The following SGK1 variants were observed in gnomAD, a reference collection of about 807,000 sequenced individuals.
SGK1 encodes serine/threonine-protein kinase Sgk1.
Under a neutral mutation model 64.2 loss-of-function variants are expected in SGK1, and 26 were observed. The observed-to-expected ratio is 0.40, with a 90% CI of 0.30 to 0.56. SGK1 has a LOEUF of 0.56. SGK1 is among the 20% of genes least tolerant of loss of function. The pLI, the probability that SGK1 is intolerant of heterozygous loss-of-function variation, is 0.38. For synonymous variants in SGK1, 265 were observed against 239.7 expected, an observed-to-expected ratio of 1.11 and a Z score of -0.98; for missense variants, 519 against 645.6, an observed-to-expected ratio of 0.80 and a Z score of 2.12.
At chr6:134,208,155 G>T (rs976080903) in intron 2 of SGK1, among the ~76,000 whole-genome samples, 1 of 152,002 alleles carries the variant, frequency 6.6e-6, no homozygotes, top group Non-Finnish European at 1.5e-5. Context: ...CAAATGATCC[G>T]CCCACCTCGG....
intron 3 of SGK1, among the ~76,000 whole-genome samples, chr6:134,184,884 G>A (rs1384290059): frequency 6.6e-6 from 1 of 152,030 alleles, no homozygotes; most frequent in African/African-American, 2.4e-5. Context: ...GAGGTCTTGC[G>A]GTGTTAGCCA....
chr6:134,287,747 T>G (rs2114777292), intron 1 of SGK1, among the ~76,000 whole-genome samples: 1 of 152,248 alleles, frequency 6.6e-6, no homozygotes, highest in Middle Eastern at 3.4e-3. Context: ...AGATGAATTG[T>G]GTGTTTTTGT....
intron 1 of SGK1, among the ~76,000 whole-genome samples, chr6:134,304,204 G>A (rs1407032478): frequency 6.6e-5 from 10 of 152,336 alleles, no homozygotes; most frequent in African/African-American, 1.7e-4. Context: ...CTCAGCCAAC[G>A]TCACAGGGAG....
intron 1 of SGK1, among the ~76,000 whole-genome samples, chr6:134,262,760 C>A (rs1467560997): frequency 1.3e-5 from 2 of 151,948 alleles, no homozygotes; most frequent in African/African-American, 2.4e-5. Flanking sequence ...AAAACAATTA[C>A]CCTGGCCAGG....
rs1306829251 is a variant in SGK1 at position 134,189,215 on chromosome 6, TGTGTGTGTGTGTGCGTGTGC to T, written c.362-14649_362-14630del. Among the ~76,000 whole-genome samples the T allele has an allele frequency of 2.7e-5, 4 of 148,750 alleles. No homozygotes were observed. The South Asian group carries it at 6.2e-4, about 23-fold the overall frequency. Reference sequence around the variant, plus strand: ...TACCTCTTTTATACAGGTGTGTGTGTGTGTGTGTGTGTGCGTGTGCGTGTGCATGTGTGTATATATAAATA... The same window carrying T: ...TACCTCTTTTATACAGGTGTGTGTGTGTGTGCATGTGTGTATATATAAATA... On this transcript the variant is annotated intron_variant, in intron 3 of 13. Transcript: ENST00000367858.
At chr6:134,226,676 A>G (rs1346806675) in intron 2 of SGK1, among the ~76,000 whole-genome samples, 1 of 151,764 alleles carries the variant, frequency 6.6e-6, no homozygotes, top group Non-Finnish European at 1.5e-5. Flanking sequence ...CCTGGGTGAC[A>G]GAGTGAGACC....
intron 3 of SGK1, among the ~76,000 whole-genome samples, chr6:134,198,967 C>T (rs1017610408): frequency 4.6e-5 from 7 of 152,132 alleles, no homozygotes; most frequent in Non-Finnish European, 1.0e-4. Flanking sequence ...CTCACCGCAG[C>T]CTCCAACTCT....
chr6:134,182,494 T>TG (rs1370273556), intron 3 of SGK1, among the ~76,000 whole-genome samples: 4 of 136,728 alleles, frequency 2.9e-5, no homozygotes, highest in African/African-American at 1.1e-4. Flanking sequence ...AGACTCCGTC[T>TG]AAAAAAAAAA....
chr6:134,187,371 A>T (rs12190471), intron 3 of SGK1, among the ~76,000 whole-genome samples: 56,761 of 151,822 alleles, frequency 0.37, 12,453 homozygotes, highest in Non-Finnish European at 0.5. Flanking sequence ...AGAAAGCAAA[A>T]ATGTTTCCAA....
intron 2 of SGK1, among the ~76,000 whole-genome samples, chr6:134,225,798 G>C (rs991250550): frequency 6.6e-6 from 1 of 151,860 alleles, no homozygotes; most frequent in African/African-American, 2.4e-5. Flanking sequence ...AAGAAAGTGG[G>C]CCAGGCATGG....
At chr6:134,306,731 C>T (rs934288985) in intron 1 of SGK1, among the ~76,000 whole-genome samples, 9 of 151,896 alleles carry the variant, frequency 5.9e-5, no homozygotes, top group South Asian at 4.2e-4. Flanking sequence ...TGCCATGTTC[C>T]CCAGCTGGTC....
intron 2 of SGK1, among the ~76,000 whole-genome samples, chr6:134,216,556 A>G (rs956256871): frequency 6.6e-6 from 1 of 152,200 alleles, no homozygotes; most frequent in Non-Finnish European, 1.5e-5. Flanking sequence ...CACATTCAAC[A>G]GTATTTACTG....
chr6:134,206,819 A>G (rs377343327), intron 3 of SGK1, among the ~76,000 whole-genome samples: 2 of 149,578 alleles, frequency 1.3e-5, no homozygotes, highest in African/African-American at 2.5e-5. Flanking sequence ...GTGAGCCGAG[A>G]TCGTACCACC....
chr6:134,232,081 A>T (rs1022074030), intron 2 of SGK1, among the ~76,000 whole-genome samples: 1 of 151,354 alleles, frequency 6.6e-6, no homozygotes, highest in African/African-American at 2.4e-5. Flanking sequence ...TACCTATATT[A>T]AGTTAAATAA....
intron 3 of SGK1, chr6:134,174,803 G>C: frequency 6.2e-7 from 1 of 1,614,120 alleles, no homozygotes; most frequent in African/African-American, 1.3e-5. Flanking sequence ...AGTTTTCACC[G>C]TCATCACCAC....
chr6:134,286,216 T>G (rs1158357297), intron 1 of SGK1, among the ~76,000 whole-genome samples: 1 of 152,186 alleles, frequency 6.6e-6, no homozygotes, highest in Non-Finnish European at 1.5e-5. Flanking sequence ...TATATTAAGG[T>G]TTGAACGTAA....
chr6:134,297,867 T>A (rs1777385490), intron 1 of SGK1: 1 of 783,626 alleles, frequency 1.3e-6, no homozygotes, highest in Non-Finnish European at 2.3e-6. Context: ...CAGCTCCTCA[T>A]ATTTGATCTG....
chr6:134,175,376 G>C (rs567428244), intron 3 of SGK1, among the ~76,000 whole-genome samples: 2 of 152,172 alleles, frequency 1.3e-5, no homozygotes, highest in South Asian at 4.1e-4. Context: ...CACCCTCCGG[G>C]GTTTATCCCT....
intron 2 of SGK1, among the ~76,000 whole-genome samples, chr6:134,221,029 C>T (rs1455983202): frequency 1.3e-5 from 2 of 150,872 alleles, no homozygotes; most frequent in African/African-American, 4.9e-5. Flanking sequence ...TCAGGCCAGG[C>T]GCAGTGGCTC....
Sources: allele counts gnomAD v4.1 joint callset (sites outside exome capture counted in the v4.1 genomes callset), GRCh38; gene constraint gnomAD v4.1.1; transcripts MANE v1.5; gene names NCBI Gene and HGNC (gene_info 2026-07-23, HGNC 2026-07-21).